The following GSE1 variants were observed in gnomAD, a reference collection of about 807,000 sequenced individuals.
The protein encoded by GSE1 is Gse1 coiled-coil protein, also known as genetic suppressor element 1.
Under a neutral mutation model 112.6 loss-of-function variants are expected in GSE1, and 32 were observed. The ratio of observed to expected loss-of-function variants is 0.28; its 90% CI spans 0.21 to 0.38. The LOEUF (loss-of-function observed/expected upper bound fraction) is 0.38, where lower values mean the gene tolerates loss of function less well. Among genes scored for constraint, GSE1 ranks in the 10% least tolerant of loss-of-function variants. The pLI, the probability that GSE1 is intolerant of heterozygous loss-of-function variation, is 1.00. For missense variants in GSE1, 2,348 were observed against 1,699.2 expected (o/e 1.38, Z -6.71); for synonymous variants, 1,115 against 735.6 (o/e 1.52, Z -8.35).
intron 1 of GSE1, among the ~76,000 whole-genome samples, chr16:85,339,374 C>T (rs962091549): frequency 1.2e-4 from 19 of 152,156 alleles, no homozygotes; most frequent in Non-Finnish European, 2.4e-4. Flanking sequence ...GTGATTTCTC[C>T]GGACAAATGG....
At chr16:85,462,678 G>A (rs2050001835) in intron 2 of GSE1, among the ~76,000 whole-genome samples, 2 of 141,928 alleles carry the variant, frequency 1.4e-5, no homozygotes, top group Admixed American at 6.9e-5. Context: ...GCGGGCGGGG[G>A]AGGGCGGCGG....
At chr16:85,486,233 G>GCACACTCA (rs1245329977) in intron 2 of GSE1, among the ~76,000 whole-genome samples, 1 of 152,110 alleles carries the variant, frequency 6.6e-6, no homozygotes, top group Non-Finnish European at 1.5e-5. Context: ...TAACACGCTT[G>GCACACTCA]CACACTCACA....
At chr16:85,619,852 C>T (rs2048619387) in intron 1 of GSE1, among the ~76,000 whole-genome samples, 1 of 152,154 alleles carries the variant, frequency 6.6e-6, no homozygotes, top group East Asian at 1.9e-4. Flanking sequence ...GATCCATATC[C>T]TCCCTGTAGT....
Position 85,381,062 on chromosome 16 carries a change from A to C in GSE1, c.2464+23419A>C, listed in dbSNP as rs544706873. On this transcript the variant is annotated intron_variant, in intron 2 of 2. Transcript: ENST00000637419. ...CCGTCCAGTGCAAAAACATTTCGTC[A>C]CCCCAAAAGGAAATCCCAGACGCAT... is the stretch of plus-strand genomic sequence containing the variant. Among the ~76,000 whole-genome samples, 184 of 152,170 alleles carry C rather than the reference A, an allele frequency of 1.2e-3. 6 individuals are homozygous for C. The South Asian group carries it at 0.035, about 29-fold the overall frequency.
chr16:85,531,476 G>A (rs1049150012), intron 2 of GSE1, among the ~76,000 whole-genome samples: 2 of 152,142 alleles, frequency 1.3e-5, no homozygotes, highest in African/African-American at 2.4e-5. Context: ...AGGGAGGAAG[G>A]AGCCCTCTCG....
At chr16:85,571,288 C>G (rs1265938633) in intron 1 of GSE1, among the ~76,000 whole-genome samples, 1 of 152,222 alleles carries the variant, frequency 6.6e-6, no homozygotes, top group Non-Finnish European at 1.5e-5. Flanking sequence ...CCTGCACCGC[C>G]TAATGTGGTG....
intron 2 of GSE1, among the ~76,000 whole-genome samples, chr16:85,461,899 C>A (rs1361511264): frequency 6.6e-6 from 1 of 152,200 alleles, no homozygotes; most frequent in Non-Finnish European, 1.5e-5. Flanking sequence ...GGCAGCCCTG[C>A]CCCTCCTTCC....
intron 2 of GSE1, among the ~76,000 whole-genome samples, chr16:85,468,530 C>G (rs1272284199): frequency 6.6e-6 from 1 of 151,962 alleles, no homozygotes; most frequent in African/African-American, 2.4e-5. Flanking sequence ...GTTGGCCAGG[C>G]TGGTCTTGAA....
At chr16:85,170,267 C>A in exon 1 of GSE1, 7 of 985,712 alleles carry the variant, frequency 7.1e-6, no homozygotes, top group Non-Finnish European at 8.4e-6. Flanking sequence ...GATGGGGAGC[C>A]CAAGTCCGGG....
In GSE1 at chr16:85,373,812, T is replaced by A. The variant is rs988742115; in HGVS notation, c.2464+16169T>A. Among the ~76,000 whole-genome samples, 34 of 152,100 alleles carry A rather than the reference T, an allele frequency of 2.2e-4. 1 individual carries two copies. Among genetic ancestry groups the A allele is most frequent in the Admixed American group, 2.0e-3 (31 of 15,270 alleles). On this transcript the variant is annotated intron_variant, in intron 2 of 2. Transcript: ENST00000637419. The surrounding 1 kb of genome is among the most constrained non-coding windows in gnomAD (Gnocchi z 5.1). ...CCGAGGCAGCCCAGGGCAGGGTGAT[T>A]GTGCTCCTGCCCCACGGTGCCCCAC...
chr16:85,320,313 C>T (rs551857769), intron 1 of GSE1, among the ~76,000 whole-genome samples: 2 of 152,206 alleles, frequency 1.3e-5, no homozygotes, highest in Non-Finnish European at 2.9e-5. Flanking sequence ...CTTTCGCTCA[C>T]GCAGAACACC....
At chr16:85,574,117 G>GT (rs2046123138) in intron 1 of GSE1, among the ~76,000 whole-genome samples, 1 of 152,226 alleles carries the variant, frequency 6.6e-6, no homozygotes. Context: ...CGGAGCCTGA[G>GT]TTTTTCTTGG....
At chr16:85,408,642 A>C (rs113605178) in intron 2 of GSE1, among the ~76,000 whole-genome samples, 15,922 of 16,788 alleles carry the variant, frequency 0.95, 7,778 homozygotes, top group Non-Finnish European at 0.98. Context: ...CTCACTGTTG[A>C]ACTTAGGGCC....
chr16:85,660,780 G>A (rs1456106804), intron 8 of GSE1, among the ~76,000 whole-genome samples: 5 of 151,860 alleles, frequency 3.3e-5, no homozygotes, highest in Non-Finnish European at 2.9e-5. Flanking sequence ...ACAGGCACCC[G>A]CCACCATGCC....
intron 2 of GSE1, among the ~76,000 whole-genome samples, chr16:85,380,221 C>A (rs1176714534): frequency 6.6e-6 from 1 of 152,106 alleles, no homozygotes; most frequent in Non-Finnish European, 1.5e-5. Flanking sequence ...GTGGCTGAGG[C>A]AGTCTGGGAG....
intron 2 of GSE1, among the ~76,000 whole-genome samples, chr16:85,457,815 C>G (rs1251977443): frequency 6.6e-6 from 1 of 152,220 alleles, no homozygotes; most frequent in African/African-American, 2.4e-5. Context: ...GGTGGTAACC[C>G]TGCTTTCCAG....
At chr16:85,176,023 C>G (rs1052829733) in intron 1 of GSE1, among the ~76,000 whole-genome samples, 1 of 151,336 alleles carries the variant, frequency 6.6e-6, no homozygotes, top group Non-Finnish European at 1.5e-5. Context: ...GGGTCTCACT[C>G]TGTTGCCCAG....
At chr16:85,576,499 T>G (rs1284672233) in intron 1 of GSE1, among the ~76,000 whole-genome samples, 1 of 152,158 alleles carries the variant, frequency 6.6e-6, no homozygotes, top group Admixed American at 6.6e-5. Flanking sequence ...GGGTAGATGC[T>G]GGAGCTCGGA....
At chr16:85,637,738 T>C (rs1346966705) in intron 2 of GSE1, among the ~76,000 whole-genome samples, 1 of 150,910 alleles carries the variant, frequency 6.6e-6, no homozygotes, top group East Asian at 1.9e-4. Context: ...AGGTGTAGCC[T>C]CCTCCCTGCA....
Sources: allele counts gnomAD v4.1 joint callset (sites outside exome capture counted in the v4.1 genomes callset), GRCh38; gene constraint gnomAD v4.1.1; non-coding constraint Gnocchi (gnomAD v3.1); transcripts MANE v1.5; gene names NCBI Gene and HGNC (gene_info 2026-07-23, HGNC 2026-07-21).